ZFHX2: variants seen among roughly 807,000 people sequenced by gnomAD.
ZFHX2 encodes the protein zinc finger homeobox 2.
ZFHX2 carries 75 observed loss-of-function variants against 164.8 expected under a neutral mutation model. That is an observed-to-expected ratio of 0.46 (90% confidence interval 0.38 to 0.55). ZFHX2 has a LOEUF of 0.55. ZFHX2 is among the 20% of genes least tolerant of loss of function. ZFHX2 has a pLI of 0.00. For synonymous variants in ZFHX2, 1,217 were observed against 1,351.4 expected (o/e 0.90, Z 2.18); for missense variants, 2,933 against 3,308.0 (o/e 0.89, Z 2.78).
Position 23,535,238 on chromosome 14 carries a change from A to G in ZFHX2, c.88T>C (p.Ser30Pro). 1 of 1,519,564 alleles carries G rather than the reference A, an allele frequency of 6.6e-7. No homozygotes were observed. Among genetic ancestry groups the G allele is most frequent in the Non-Finnish European group, 8.8e-7 (1 of 1,134,282 alleles). The allele number at this position is 1,519,564 out of a possible 1,614,324, so 94.1% of individuals were successfully genotyped here. Residue 30 changes from serine (S) to proline (P), a missense_variant, in exon 2 of 10, where the codon TCC becomes CCC. By Grantham distance (74) the Ser-to-Pro change is moderately conservative. Transcript: ENST00000419474. The surrounding 1 kb of genome is among the most constrained non-coding windows in gnomAD (Gnocchi z 4.5). ...GTGACAGGATCAGAGGGGGTGCTGG[A>G]GGAGAAGGTGTCCGAAGGCAGGGAC... ...APSLPSDTFS[S>P]STPSDPVTKD...
Position 23,534,952 on chromosome 14 carries a change from A to T in ZFHX2, c.374T>A (p.Val125Glu). Residue 125 changes from valine to glutamate, a missense_variant, in exon 2 of 10, where the codon GTG becomes GAG. By Grantham distance (121) the Val-to-Glu change is moderately radical. Transcript: ENST00000419474. This position sits in a 1 kb window ranked among gnomAD's most constrained non-coding sequence, Gnocchi z 4.5. ...FFTAGGEAYL[V>E]AKLSLPGGSE... ...GCCACCTGGCAGGGACAGCTTGGCCACTAGGTAGGCCTCACCTCCAGCTGT... is the reference window on the plus strand; with the variant it reads ...GCCACCTGGCAGGGACAGCTTGGCCTCTAGGTAGGCCTCACCTCCAGCTGT... 6.5e-7 allele frequency: 1 copy of T among 1,536,148 alleles called. No homozygotes were observed.
Position 23,525,171 on chromosome 14 carries a change from C to G in ZFHX2, c.4771G>C (p.Val1591Leu). ...ESSRGNLPPL[V>L]PAGRRFSRTK... is the part of the protein sequence containing the mutation. Reference sequence around the variant, plus strand: ...CTGGAGAACCGGCGGCCGGCAGGCACCAGGGGAGGAAGATTCCCTCTGGAG... The same window carrying G: ...CTGGAGAACCGGCGGCCGGCAGGCAGCAGGGGAGGAAGATTCCCTCTGGAG... The change falls in exon 9 of 10, where the codon GTG (valine) becomes CTG (leucine). Residue 1591 changes from valine (V) to leucine (L), a missense_variant. By Grantham distance (32) the Val-to-Leu change is conservative. Transcript: ENST00000419474. The surrounding 1 kb of genome is among the most constrained non-coding windows in gnomAD (Gnocchi z 5.9). The G allele has an allele frequency of 6.5e-7, 1 of 1,536,072 alleles. No homozygotes were observed. Among genetic ancestry groups the G allele is most frequent in the Non-Finnish European group, 8.7e-7 (1 of 1,146,902 alleles).
chr14:23,552,465 G>A (rs1882046818), upstream of ZFHX2, among the ~76,000 whole-genome samples: 1 of 151,780 alleles, frequency 6.6e-6, no homozygotes, highest in Non-Finnish European at 1.5e-5. Context: ...GCTAATTTTT[G>A]TATTTTTAGT....
At chr14:23,545,118 C>G (rs1881254643) in intron 1 of ZFHX2, among the ~76,000 whole-genome samples, 1 of 152,096 alleles carries the variant, frequency 6.6e-6, no homozygotes, top group African/African-American at 2.4e-5. Context: ...CTTCACGGCT[C>G]CAGTTCCTCC....
At chr14:23,529,842 G>T in intron 5 of ZFHX2, 74 bp from the exon 6 acceptor site, 1 of 1,441,338 alleles carries the variant, frequency 6.9e-7, no homozygotes, top group Non-Finnish European at 9.4e-7. Context: ...AGCTTCCAGG[G>T]TAGGGAGTTG....
At position 23,532,744 on chromosome 14, in the gene ZFHX2, C is replaced by T. The variant is rs745814148; in HGVS notation, c.2382G>A (p.Glu794=). 2 of 1,536,116 alleles carry T rather than the reference C, an allele frequency of 1.3e-6. No homozygotes were observed. Among genetic ancestry groups the T allele is most frequent in the Non-Finnish European group, 1.7e-6 (2 of 1,146,850 alleles). Residue 794 remains glutamate (E), a synonymous_variant, in exon 3 of 10, where the codon GAG becomes GAA. Transcript: ENST00000419474. ...AAGGGGTGCCCATGGCTCCACCCCCCTCCCGCAGGTGGGCTGCCAGCTGGT... is the reference window on the plus strand; with the variant it reads ...AAGGGGTGCCCATGGCTCCACCCCCTTCCCGCAGGTGGGCTGCCAGCTGGT... ...QKYQLAAHLR[E]GGGAMGTPSP... is the part of the protein sequence containing the mutation.
In ZFHX2 at chr14:23,525,239, C is replaced by A; in HGVS notation, c.4703G>T (p.Arg1568Leu). The A allele has an allele frequency of 6.5e-7, 1 of 1,536,126 alleles. No individual in the cohort carries two copies. The highest frequency in any genetic ancestry group is 8.7e-7 in the Non-Finnish European group (1 of 1,146,906). The change falls in exon 9 of 10, where the codon CGA becomes CTA. Residue 1568 changes from arginine (R) to leucine (L), a missense_variant. Arg to Leu is a moderately radical substitution (Grantham distance 102). Transcript: ENST00000419474. This position sits in a 1 kb window ranked among gnomAD's most constrained non-coding sequence, Gnocchi z 5.9. ...GGGCCAGTGTCCCCCTGCTCGACTTCGCTCTTCAGGGGCACGGGTCCCCCC... is the reference window on the plus strand; with the variant it reads ...GGGCCAGTGTCCCCCTGCTCGACTTAGCTCTTCAGGGGCACGGGTCCCCCC... ...EAGGTRAPEERSRAGGHWPIE... is the reference protein window; with the variant it reads ...EAGGTRAPEELSRAGGHWPIE...
rs903017936 is a variant in ZFHX2, at chr14:23,534,542, T to C, written c.784A>G (p.Lys262Glu). The change falls in exon 2 of 10, where the codon AAG (lysine) becomes GAG (glutamate). Residue 262 changes from lysine (K) to glutamate (E), a missense_variant. Transcript: ENST00000419474. This position sits in a 1 kb window ranked among gnomAD's most constrained non-coding sequence, Gnocchi z 4.5. ...CCCTGATATTGGGCAGGGGTTAGCT[T>C]CACCCCATGAGACTGTGTGTGATCC... is the stretch of plus-strand genomic sequence containing the variant. The part of the protein sequence containing the change: ...FMDHTQSHGV[K>E]LTPAQYQGLS... The C allele has an allele frequency of 7.8e-6, 12 of 1,536,012 alleles. 1 individual carries two copies. The highest frequency in any genetic ancestry group is 7.3e-5 in the East Asian group (3 of 40,918).
chr14:23,530,652 G>T (rs1377421605), intron 4 of ZFHX2: 2 of 345,788 alleles, frequency 5.8e-6, no homozygotes, highest in Non-Finnish European at 1.1e-5. Flanking sequence ...TGACAGATGT[G>T]TAGGAATTTA....
Position 23,537,229 on chromosome 14 carries a change from CT to C in ZFHX2, c.-49-1856del, listed in dbSNP as rs769874354. On this transcript the variant is annotated intron_variant, in intron 1 of 9. Coordinates refer to ENST00000419474, the MANE Select transcript of ZFHX2 (RefSeq NM_033400.3). ...TGACAGAAGCGCCAAGGCTCCCATC[CT>C]TTTTTTTTTTTCTAAATCAGGAACC... Among the ~76,000 whole-genome samples, 1,152 of 146,572 alleles carry C rather than the reference CT, an allele frequency of 7.9e-3. 9 individuals are homozygous for C. The highest frequency in any genetic ancestry group is 0.021 in the Middle Eastern group (6 of 282).
Position 23,524,133 on chromosome 14 carries a change from G to A in ZFHX2, c.5809C>T (p.Pro1937Ser), listed in dbSNP as rs1440811595. 1 of 1,536,010 alleles carries A rather than the reference G, an allele frequency of 6.5e-7. No individual in the cohort carries two copies. Among genetic ancestry groups the A allele is most frequent in the African/African-American group, 1.4e-5 (1 of 73,144 alleles). ...AGGTTGAACTTGGGCAAGGATGCAG[G>A]GGTGGCTGTGGCAGGCGGTTTCACT... Reference protein sequence around the residue: ...PAVKPPATATPASLPKFNLLL... With the variant: ...PAVKPPATATSASLPKFNLLL... The change falls in exon 9 of 10, where the codon CCT (proline) becomes TCT (serine). Residue 1937 changes from proline to serine, a missense_variant. Transcript: ENST00000419474. The surrounding 1 kb of genome is among the most constrained non-coding windows in gnomAD (Gnocchi z 5.6).
chr14:23,526,066 T>C lies in ZFHX2; in HGVS notation c.3876A>G (p.Gln1292=), dbSNP rs1051627112. 1.4e-5 allele frequency: 22 copies of C among 1,536,422 alleles called. No homozygotes were observed. The highest frequency in any genetic ancestry group is 1.7e-4 in the Middle Eastern group (1 of 6,012). ...CTGTCTCGCCTTCCTTGGGCTCTTC[T>C]TGGCTGCGTTCTGGCCCTTCAATCT... ...DSKIEGPERS[Q]EEPKEGETEG... The change falls in exon 9 of 10, where the codon CAA becomes CAG. Residue 1292 remains glutamine (Q), a synonymous_variant. Transcript: ENST00000419474.
rs1236362964 is a variant in ZFHX2 at position 23,534,513 on chromosome 14, C to G, written c.813G>C (p.Leu271=). Residue 271 remains leucine (L), a synonymous_variant, in exon 2 of 10, where the codon CTG becomes CTC. Transcript: ENST00000419474. This position sits in a 1 kb window ranked among gnomAD's most constrained non-coding sequence, Gnocchi z 4.5. ...VKLTPAQYQG[L]SGSPAVLQEG... ...CCTGGAGTACAGCTGGGCTACCTGA[C>G]AGGCCCTGATATTGGGCAGGGGTTA... The G allele has an allele frequency of 1.3e-6, 2 of 1,536,188 alleles. No individual in the cohort carries two copies. Among genetic ancestry groups the G allele is most frequent in the Admixed American group, 3.9e-5 (2 of 51,004 alleles).
At chr14:23,531,921 C>T in intron 3 of ZFHX2, 200 bp from the exon 4 acceptor site, 1 of 585,046 alleles carries the variant, frequency 1.7e-6, no homozygotes, top group Non-Finnish European at 2.5e-6. Context: ...GGATTACAGG[C>T]ATGCGCACCA....
chr14:23,553,354 C>G (rs985918054), upstream of ZFHX2, among the ~76,000 whole-genome samples: 1 of 151,986 alleles, frequency 6.6e-6, no homozygotes, highest in East Asian at 1.9e-4. Context: ...AATCCCAGCA[C>G]TTTGGGAGGC....
rs534987982 is a variant in ZFHX2 at position 23,533,301 on chromosome 14, G to T, written c.2025C>A (p.Arg675=). 21 of 1,436,972 alleles carry T rather than the reference G, an allele frequency of 1.5e-5. No individual in the cohort carries two copies. In the African/African-American group the frequency reaches 2.9e-4, roughly 20 times the overall value. 89.0% of individuals were successfully genotyped at this position (1,436,972 alleles called of 1,614,324 possible). A position where few individuals can be genotyped will look rare whatever the true frequency, so the allele number is the denominator to read the frequency against. The change falls in exon 2 of 10, where the codon CGC becomes CGA. Residue 675 remains arginine, a synonymous_variant. Transcript: ENST00000419474. This position sits in a 1 kb window ranked among gnomAD's most constrained non-coding sequence, Gnocchi z 4.8. The part of the protein sequence containing the change: ...NGFHHVGAPA[R]KFPTSAPGSL... ...GAAGCTTACCGGATGTGGGGAACTTGCGGGCAGGTGCTCCTACGTGGTGGA... is the reference window on the plus strand; with the variant it reads ...GAAGCTTACCGGATGTGGGGAACTTTCGGGCAGGTGCTCCTACGTGGTGGA...
In ZFHX2 at chr14:23,525,973, C is replaced by T. The variant is rs1387363760; in HGVS notation, c.3969G>A (p.Leu1323=). The T allele has an allele frequency of 1.3e-6, 2 of 1,510,108 alleles. No homozygotes were observed. Among genetic ancestry groups the T allele is most frequent in the Admixed American group, 2.0e-5 (1 of 49,362 alleles). The allele number at this position is 1,510,108 out of a possible 1,614,324, so 93.5% of individuals were successfully genotyped here. A position where few individuals can be genotyped will look rare whatever the true frequency, so the allele number is the denominator to read the frequency against. Residue 1323 remains leucine (L), a synonymous_variant, in exon 9 of 10, where the codon CTG becomes CTA. Coordinates refer to ENST00000419474, the MANE Select transcript of ZFHX2 (RefSeq NM_033400.3). This position sits in a 1 kb window ranked among gnomAD's most constrained non-coding sequence, Gnocchi z 5.9. ...GGTCCAAGGGAGGTGGGGGAGGGGA[C>T]AGGAAAGGCAATCCAGATATGAAGC... ...TSGFISGLPF[L]SPPPPPLDLH... is the part of the protein sequence containing the mutation.
Position 23,527,703 on chromosome 14 carries a change from T to G in ZFHX2, c.3036A>C (p.Pro1012=). The G allele has an allele frequency of 6.5e-6, 10 of 1,536,170 alleles. No individual in the cohort carries two copies. The highest frequency in any genetic ancestry group is 8.7e-6 in the Non-Finnish European group (10 of 1,146,898). ...GGCCCACCAGCTGTTCCTGGCACAG[T>G]GGGCATCTGTACTTGGGCTGCACTG... The part of the protein sequence containing the change: ...QHAVQPKYRC[P]LCQEQLVGRP... The change falls in exon 7 of 10, where the codon CCA becomes CCC. Residue 1012 remains proline (P), a synonymous_variant. Transcript: ENST00000419474.
chr14:23,536,995 T>C (rs1031008670), intron 1 of ZFHX2, among the ~76,000 whole-genome samples: 3 of 151,310 alleles, frequency 2.0e-5, no homozygotes, highest in Non-Finnish European at 4.4e-5. Flanking sequence ...AAGAAATTAG[T>C]TGGGCGTGGT....
Sources: gnomAD v4.1 joint callset for allele counts (sites outside exome capture counted in the v4.1 genomes callset) on GRCh38, gnomAD v4.1.1 for gene constraint, Gnocchi (gnomAD v3.1) non-coding constraint, MANE v1.5 for transcripts, NCBI Gene and HGNC (gene_info 2026-07-23, HGNC 2026-07-21) for gene names.